The following SGCZ variants were observed in gnomAD, a reference collection of about 807,000 sequenced individuals.
The protein encoded by SGCZ is sarcoglycan zeta.
A neutral mutation model predicts 41.3 loss-of-function variants in SGCZ; 40 were observed. The ratio of observed to expected loss-of-function variants is 0.97; its 90% confidence interval spans 0.75 to 1.26. The LOEUF (loss-of-function observed/expected upper bound fraction) is 1.26. Among genes scored for constraint, SGCZ ranks in the 50% most tolerant of loss-of-function variants. The probability of loss-of-function intolerance (pLI) is 0.00; values close to 1 mark genes in which losing one functional copy is unlikely to be tolerated. For synonymous variants in SGCZ, 206 were observed against 137.5 expected (o/e 1.50, Z -3.49); for missense variants, 552 against 369.8 (o/e 1.49, Z -4.04).
At chr8:14,455,763 C>A (rs932639662) in intron 2 of SGCZ, among the ~76,000 whole-genome samples, 16 of 152,056 alleles carry the variant, frequency 1.1e-4, no homozygotes, top group South Asian at 4.1e-4. Context: ...GAGTTCTTGG[C>A]AGTGTTAAAC....
chr8:14,110,524 T>C (rs923989756), intron 5 of SGCZ, among the ~76,000 whole-genome samples: 2 of 152,140 alleles, frequency 1.3e-5, no homozygotes, highest in African/African-American at 4.8e-5. Context: ...TTTTAAAGGA[T>C]TCTTGAAGAA....
At chr8:14,188,816 G>T (rs868781825) in intron 4 of SGCZ, among the ~76,000 whole-genome samples, 18 of 20,634 alleles carry the variant, frequency 8.7e-4, no homozygotes, top group African/African-American at 3.6e-3. Context: ...TTGTTTGTTT[G>T]TTTCTTTGTT....
At chr8:14,342,410 G>C (rs563372985) in intron 2 of SGCZ, among the ~76,000 whole-genome samples, 1 of 152,012 alleles carries the variant, frequency 6.6e-6, no homozygotes, top group Non-Finnish European at 1.5e-5. Context: ...TCTGCCTCCC[G>C]GGTTCATGCC....
At chr8:14,155,071 A>T (rs1455537142) in intron 5 of SGCZ, among the ~76,000 whole-genome samples, 7 of 152,362 alleles carry the variant, frequency 4.6e-5, no homozygotes, top group African/African-American at 1.7e-4. Context: ...AGAGAAATAG[A>T]TAACTAGAAA....
chr8:14,680,963 G>GAAAAAAAAAAAAAAAAAAAAAAAA (rs374278969), intron 1 of SGCZ, among the ~76,000 whole-genome samples: 2 of 106,186 alleles, frequency 1.9e-5, no homozygotes, highest in Admixed American at 9.6e-5. Flanking sequence ...AAAAAGAGTG[G>GAAAAAAAAAAAAAAAAAAAAAAAA]GAAAAAAAAA....
rs535237026 is a variant in SGCZ, at chr8:14,802,817, G to A, written c.40-247891C>T. Among the ~76,000 whole-genome samples the A allele has an allele frequency of 2.0e-5, 3 of 152,278 alleles. No individual in the cohort carries two copies. The South Asian group carries it at 6.2e-4, about 32-fold the overall frequency. On this transcript the variant is annotated intron_variant, in intron 1 of 7. Coordinates refer to ENST00000382080, the MANE Select transcript of SGCZ (RefSeq NM_139167.4). ...AGAGGAGCGAATGTTCCAAGAAATAGGGTGAACTGCAAATGGCTCATTAAC... is the reference window on the plus strand; with the variant it reads ...AGAGGAGCGAATGTTCCAAGAAATAAGGTGAACTGCAAATGGCTCATTAAC...
intron 1 of SGCZ, among the ~76,000 whole-genome samples, chr8:14,944,254 C>T (rs1800370805): frequency 6.6e-6 from 1 of 152,050 alleles, no homozygotes; most frequent in African/African-American, 2.4e-5. Flanking sequence ...TTTTAGTCCT[C>T]AGTTTTAAAA....
At chr8:14,155,798 G>A (rs534465320) in intron 5 of SGCZ, among the ~76,000 whole-genome samples, 1 of 151,784 alleles carries the variant, frequency 6.6e-6, no homozygotes, top group Non-Finnish European at 1.5e-5. Context: ...GCATCATTTG[G>A]TGATTTCGCC....
chr8:14,396,550 C>T (rs984032680), intron 2 of SGCZ, among the ~76,000 whole-genome samples: 5 of 151,870 alleles, frequency 3.3e-5, no homozygotes, highest in South Asian at 4.2e-4. Context: ...AACATGTAAA[C>T]TTTCTCTTTA....
intron 1 of SGCZ, among the ~76,000 whole-genome samples, chr8:14,716,149 G>T (rs1372589489): frequency 6.6e-6 from 1 of 151,824 alleles, no homozygotes; most frequent in Non-Finnish European, 1.5e-5. Context: ...AGAAAAGAAT[G>T]ACATAATTGA....
intron 1 of SGCZ, among the ~76,000 whole-genome samples, chr8:14,717,622 G>C (rs76366496): frequency 0.016 from 2,421 of 152,156 alleles, 26 homozygotes; most frequent in Middle Eastern, 0.037. Context: ...TGCTCAGAAA[G>C]ACTATGCTTC....
At chr8:14,364,503 A>C (rs1407801420) in intron 2 of SGCZ, among the ~76,000 whole-genome samples, 1 of 152,136 alleles carries the variant, frequency 6.6e-6, no homozygotes, top group African/African-American at 2.4e-5. Context: ...ATACATTGCC[A>C]TTCTTCCATG....
intron 1 of SGCZ, among the ~76,000 whole-genome samples, chr8:14,876,335 C>G (rs76821559): frequency 6.6e-6 from 1 of 152,074 alleles, no homozygotes; most frequent in Non-Finnish European, 1.5e-5. Flanking sequence ...AAAACTGAAA[C>G]GATGCAGGTA....
intron 1 of SGCZ, among the ~76,000 whole-genome samples, chr8:14,679,877 A>AT (rs1315603899): frequency 1.3e-3 from 195 of 151,120 alleles, no homozygotes; most frequent in African/African-American, 4.3e-3. Context: ...CTTTGATACT[A>AT]TATATTTTTT....
At chr8:14,270,096 C>G (rs936902181) in intron 3 of SGCZ, among the ~76,000 whole-genome samples, 1 of 152,026 alleles carries the variant, frequency 6.6e-6, no homozygotes, top group Non-Finnish European at 1.5e-5. Context: ...CTTTGGGAGG[C>G]CGAGGCAAGT....
chr8:14,504,683 C>G (rs1802253371), intron 2 of SGCZ, among the ~76,000 whole-genome samples: 1 of 151,986 alleles, frequency 6.6e-6, no homozygotes, highest in Admixed American at 6.6e-5. Context: ...TTCACAGATG[C>G]CTGACATTCT....
intron 1 of SGCZ, among the ~76,000 whole-genome samples, chr8:14,633,419 A>C (rs1308370161): frequency 2.0e-5 from 3 of 152,018 alleles, no homozygotes; most frequent in African/African-American, 7.2e-5. Flanking sequence ...TCTTTTGAAT[A>C]AGTAACCTAT....
At chr8:15,084,157 C>G (rs1351242324) in intron 1 of SGCZ, among the ~76,000 whole-genome samples, 1 of 152,138 alleles carries the variant, frequency 6.6e-6, no homozygotes, top group African/African-American at 2.4e-5. Flanking sequence ...ATATGGAATT[C>G]TGACTGGCAT....
intron 1 of SGCZ, among the ~76,000 whole-genome samples, chr8:15,230,308 A>G (rs1408873478): frequency 5.3e-5 from 8 of 152,122 alleles, no homozygotes; most frequent in Non-Finnish European, 1.2e-4. Flanking sequence ...TCAGTGAAAA[A>G]TCTCTACCAT....
Sources: allele counts gnomAD v4.1 joint callset (sites outside exome capture counted in the v4.1 genomes callset), GRCh38; gene constraint gnomAD v4.1.1; transcripts MANE v1.5; gene names NCBI Gene and HGNC (gene_info 2026-07-23, HGNC 2026-07-21).